MYH15: variants seen among roughly 807,000 people sequenced by gnomAD.
MYH15 encodes myosin-15.
A neutral mutation model predicts 240.5 loss-of-function variants in MYH15; 227 were observed. That is an observed-to-expected ratio of 0.94 (90% CI 0.85 to 1.05). MYH15 has a LOEUF of 1.05. Ranked by LOEUF, MYH15 falls within the 50% of genes least tolerant of loss-of-function variation. The probability of loss-of-function intolerance (pLI) is 0.00; values close to 1 mark genes in which losing one functional copy is unlikely to be tolerated. For missense variants in MYH15, 2,217 were observed against 2,247.5 expected (o/e 0.99, Z 0.27); for synonymous variants, 785 against 796.7 (o/e 0.99, Z 0.25).
At chr3:108,510,828 T>A (rs972927270), upstream of MYH15, among the ~76,000 whole-genome samples, 1 of 152,172 alleles carries the variant, frequency 6.6e-6, no homozygotes, top group African/African-American at 2.4e-5. Context: ...CCCACAATGC[T>A]TTTAGGGGCC....
At chr3:108,382,448 T>C (rs1346108821) in intron 40 of MYH15, among the ~76,000 whole-genome samples, 1 of 152,178 alleles carries the variant, frequency 6.6e-6, no homozygotes, top group Non-Finnish European at 1.5e-5. Flanking sequence ...TTGGCAACCC[T>C]ATCAACTTAC....
upstream of MYH15, among the ~76,000 whole-genome samples, chr3:108,514,552 T>A (rs1048701369): frequency 1.3e-5 from 2 of 151,930 alleles, no homozygotes; most frequent in African/African-American, 2.4e-5. Flanking sequence ...GAGTAATAGA[T>A]TTGAATAGGG....
chr3:108,466,170 G>A (rs1576251105), intron 14 of MYH15, among the ~76,000 whole-genome samples: 1 of 152,090 alleles, frequency 6.6e-6, no homozygotes, highest in Non-Finnish European at 1.5e-5. Context: ...GCTGACCCCT[G>A]GTCTAGAATA....
chr3:108,398,939 G>C, intron 34 of MYH15, 99 bp from the exon 35 acceptor site: 2 of 1,444,724 alleles, frequency 1.4e-6, no homozygotes, highest in Admixed American at 1.7e-5. Flanking sequence ...TTAGACATAA[G>C]CATGCTCCTT....
At chr3:108,402,558 A>C (rs1237588981) in intron 33 of MYH15, among the ~76,000 whole-genome samples, 1 of 152,242 alleles carries the variant, frequency 6.6e-6, no homozygotes, top group Non-Finnish European at 1.5e-5. Flanking sequence ...AAAGCATTTA[A>C]CATCTGACCC....
At chr3:108,502,556 A>T (rs1288802965) in intron 2 of MYH15, among the ~76,000 whole-genome samples, 1 of 152,104 alleles carries the variant, frequency 6.6e-6, no homozygotes, top group African/African-American at 2.4e-5. Context: ...TTATTAAAGC[A>T]CCTATCACAA....
chr3:108,481,860 G>A (rs1576261141), intron 11 of MYH15, among the ~76,000 whole-genome samples: 1 of 152,192 alleles, frequency 6.6e-6, no homozygotes, highest in Non-Finnish European at 1.5e-5. Flanking sequence ...GGTTAAGGAA[G>A]CTGTGACAGG....
At chr3:108,506,492 G>C (rs2083476636) in intron 1 of MYH15, among the ~76,000 whole-genome samples, 2 of 152,152 alleles carry the variant, frequency 1.3e-5, no homozygotes, top group African/African-American at 2.4e-5. Flanking sequence ...ACCAACAAGA[G>C]GTCTGGGGTG....
intron 16 of MYH15, among the ~76,000 whole-genome samples, chr3:108,461,529 G>T (rs926791328): frequency 1.3e-5 from 2 of 152,036 alleles, no homozygotes; most frequent in Non-Finnish European, 2.9e-5. Flanking sequence ...TAGTTCCAAA[G>T]AACACAGTAC....
intron 11 of MYH15, among the ~76,000 whole-genome samples, chr3:108,478,612 G>C (rs2107591996): frequency 1.7e-5 from 1 of 58,642 alleles, no homozygotes; most frequent in South Asian, 3.5e-4. Context: ...CAATGTGCCT[G>C]GCAACCTGAG....
At chr3:108,538,257 C>T in the MYH15 span, among the ~76,000 whole-genome samples, 1 of 152,224 alleles carries the variant, frequency 6.6e-6, no homozygotes, top group South Asian at 2.1e-4. Context: ...ACTGAGCTTC[C>T]AGTTTAAGGA....
intron 17 of MYH15, among the ~76,000 whole-genome samples, chr3:108,460,076 A>G (rs1172780461): frequency 6.6e-6 from 1 of 152,160 alleles, no homozygotes; most frequent in Non-Finnish European, 1.5e-5. Flanking sequence ...ATGAGCCAAT[A>G]TGCACATCAG....
chr3:108,467,954 T>C (rs2083134473), intron 14 of MYH15, among the ~76,000 whole-genome samples: 1 of 151,600 alleles, frequency 6.6e-6, no homozygotes, highest in South Asian at 2.1e-4. Flanking sequence ...TTTTTTACTT[T>C]AGTTTGATAT....
At position 108,441,067 on chromosome 3, in the gene MYH15, T is replaced by C. The variant is rs1206930448; in HGVS notation, c.2849A>G (p.Glu950Gly). The C allele has an allele frequency of 6.2e-7, 1 of 1,614,180 alleles. No individual in the cohort carries two copies. Among genetic ancestry groups the C allele is most frequent in the African/African-American group, 1.3e-5 (1 of 75,048 alleles). ...CTTCTCTGACTTCACCAACATTGTT[T>C]CCAGGTCATCGATTTCTTTCTTCAA... ...FELKKEIDDL[E>G]TMLVKSEKEK... is the part of the protein sequence containing the mutation. The change falls in exon 23 of 41, where the codon GAA becomes GGA. Residue 950 changes from glutamate (E) to glycine (G), a missense_variant. Physicochemically the swap from Glu to Gly is moderately conservative, Grantham distance 98. Transcript: ENST00000693548.
At position 108,451,798 on chromosome 3, in the gene MYH15, A is replaced by G. The variant is rs1450089634; in HGVS notation, c.2399+2208T>C. ...CAATCAAACCCATCAATGTATGAAA[A>G]TATTTCTTAACCAAAGTAAGTTTAA... On this transcript the variant is annotated intron_variant, in intron 21 of 40. Coordinates refer to ENST00000693548, the MANE Select transcript of MYH15 (RefSeq NM_014981.3). Among the ~76,000 whole-genome samples, 9 of 152,278 alleles carry G rather than the reference A, an allele frequency of 5.9e-5. No homozygotes were observed. The East Asian group carries it at 1.3e-3, about 23-fold the overall frequency.
At chr3:108,412,351 A>G (rs1457651057) in intron 30 of MYH15, among the ~76,000 whole-genome samples, 2 of 152,182 alleles carry the variant, frequency 1.3e-5, no homozygotes, top group East Asian at 3.8e-4. Flanking sequence ...TCCTGCCACC[A>G]TGTGAAGAAG....
intron 11 of MYH15, among the ~76,000 whole-genome samples, chr3:108,480,465 G>C (rs1273697185): frequency 6.6e-6 from 1 of 152,166 alleles, no homozygotes; most frequent in Non-Finnish European, 1.5e-5. Context: ...TTAAAGAATG[G>C]GGAAATGTTA....
intron 10 of MYH15, 68 bp from the exon 11 acceptor site, chr3:108,485,297 G>A (rs1374307055): frequency 1.9e-5 from 30 of 1,569,438 alleles, no homozygotes; most frequent in Admixed American, 3.4e-5. Flanking sequence ...CCTCACCCCC[G>A]CTGTGTTACA....
At chr3:108,522,121 A>G (rs1290220294) in intron 1 of MYH15, among the ~76,000 whole-genome samples, 1 of 152,134 alleles carries the variant, frequency 6.6e-6, no homozygotes, top group African/African-American at 2.4e-5. Flanking sequence ...TGGGAGGGAC[A>G]TGCACCAATA....
Sources: allele counts gnomAD v4.1 joint callset (sites outside exome capture counted in the v4.1 genomes callset), GRCh38; gene constraint gnomAD v4.1.1; transcripts MANE v1.5; gene names NCBI Gene and HGNC (gene_info 2026-07-23, HGNC 2026-07-21).